The following ZNF215 variants were observed in gnomAD, a reference collection of about 807,000 sequenced individuals.
ZNF215 encodes BWSCR2-associated zinc finger protein 2.
ZNF215 carries 24 observed loss-of-function variants against 27.2 expected under a neutral mutation model. The ratio of observed to expected loss-of-function variants is 0.88; its 90% CI spans 0.64 to 1.24. The LOEUF is 1.24. Ranked by LOEUF, ZNF215 falls within the 50% of genes most tolerant of loss-of-function variation. The pLI, the probability that ZNF215 is intolerant of heterozygous loss-of-function variation, is 0.00. For missense variants in ZNF215, 675 were observed against 605.7 expected, an observed-to-expected ratio of 1.11 and a Z score of -1.20; for synonymous variants, 210 against 204.0, an observed-to-expected ratio of 1.03 and a Z score of -0.25.
downstream of ZNF215, among the ~76,000 whole-genome samples, chr11:6,959,129 C>T (rs1367389522): frequency 1.3e-5 from 2 of 152,058 alleles, no homozygotes; most frequent in African/African-American, 4.8e-5. Flanking sequence ...CATCAAAGGT[C>T]GATATCTAAG....
At chr11:6,958,332 A>AT (rs1850444949), downstream of ZNF215, among the ~76,000 whole-genome samples, 1 of 152,168 alleles carries the variant, frequency 6.6e-6, no homozygotes. Flanking sequence ...TAGAAGTACT[A>AT]TTTTCACTCT....
intron 6 of ZNF215, among the ~76,000 whole-genome samples, chr11:6,951,324 G>T (rs1850049606): frequency 6.6e-6 from 1 of 151,922 alleles, no homozygotes; most frequent in South Asian, 2.1e-4. Context: ...GTTCCTCCTT[G>T]TACCTCTGGT....
intron 6 of ZNF215, among the ~76,000 whole-genome samples, chr11:6,993,969 G>GTGC (rs1355296771): frequency 6.6e-6 from 1 of 152,060 alleles, no homozygotes; most frequent in South Asian, 2.1e-4. Flanking sequence ...AATATATTTA[G>GTGC]TGCTGTTTTA....
intron 6 of ZNF215, among the ~76,000 whole-genome samples, chr11:6,949,627 T>TG (rs1354208988): frequency 1.3e-5 from 2 of 152,196 alleles, no homozygotes; most frequent in African/African-American, 4.8e-5. Context: ...AGATTCTGGA[T>TG]ATTAGCCCTT....
At chr11:6,962,560 T>C (rs1340729200), downstream of ZNF215, among the ~76,000 whole-genome samples, 1 of 152,160 alleles carries the variant, frequency 6.6e-6, no homozygotes, top group Non-Finnish European at 1.5e-5. Context: ...TATTATGTTA[T>C]CTACAGCAAG....
intron 5 of ZNF215, among the ~76,000 whole-genome samples, chr11:6,982,576 T>G (rs1351909923): frequency 1.3e-5 from 2 of 151,952 alleles, no homozygotes; most frequent in African/African-American, 4.8e-5. Context: ...CACAATGCAA[T>G]CAAACTAGAA....
chr11:6,944,691 A>G (rs1311478685), intron 6 of ZNF215, among the ~76,000 whole-genome samples: 1 of 152,332 alleles, frequency 6.6e-6, no homozygotes, highest in Admixed American at 6.5e-5. Context: ...AGAGCTATGT[A>G]GTATTAACAT....
intron 6 of ZNF215, among the ~76,000 whole-genome samples, chr11:6,951,713 T>C (rs1850077809): frequency 1.3e-5 from 2 of 152,082 alleles, no homozygotes; most frequent in African/African-American, 4.8e-5. Context: ...TTTTGAAGGG[T>C]TTTTTGTGTC....
intron 6 of ZNF215, among the ~76,000 whole-genome samples, chr11:6,951,805 A>G (rs1850082150): frequency 6.6e-6 from 1 of 151,926 alleles, no homozygotes; most frequent in Non-Finnish European, 1.5e-5. Context: ...TTGCTTTTCT[A>G]GTTCTTTTAA....
At chr11:6,944,029 A>G (rs1849729095) in intron 6 of ZNF215, among the ~76,000 whole-genome samples, 1 of 152,288 alleles carries the variant, frequency 6.6e-6, no homozygotes, top group Middle Eastern at 3.4e-3. Flanking sequence ...TAATCCCAGC[A>G]CTTTGGAAGG....
chr11:6,990,127 C>G (rs990634842), downstream of ZNF215, among the ~76,000 whole-genome samples: 1 of 152,164 alleles, frequency 6.6e-6, no homozygotes, highest in African/African-American at 2.4e-5. Flanking sequence ...TTCCTCCTGT[C>G]TCCTTGCAAG....
Position 6,955,752 on chromosome 11 carries a change from A to G in ZNF215, c.775A>G (p.Ser259Gly). 1 of 1,606,696 alleles carries G rather than the reference A, an allele frequency of 6.2e-7. No individual in the cohort carries two copies. Among genetic ancestry groups the G allele is most frequent in the Non-Finnish European group, 8.5e-7 (1 of 1,177,980 alleles). ...AGTGATTATGACAAGGCTTACCGAA[A>G]GTGGACACCCTTCTTCAGATGCCTG... ...HGVIMTRLTE[S>G]GHPSSDAWKG... is the part of the protein sequence containing the mutation. Residue 259 changes from serine (S) to glycine (G), a missense_variant, in exon 7 of 7, where the codon AGT becomes GGT. By Grantham distance (56) the Ser-to-Gly change is moderately conservative (BLOSUM62 0). Transcript: ENST00000278319.
chr11:6,984,991 A>G (rs773722428), downstream of ZNF215, among the ~76,000 whole-genome samples: 1 of 152,192 alleles, frequency 6.6e-6, no homozygotes, highest in Non-Finnish European at 1.5e-5. Context: ...CATAGTATCA[A>G]TCCTACTGAA....
chr11:6,937,138 A>G (rs946233101), intron 3 of ZNF215, among the ~76,000 whole-genome samples: 1 of 151,980 alleles, frequency 6.6e-6, no homozygotes, highest in East Asian at 1.9e-4. Flanking sequence ...AAGTAAAACT[A>G]TCTCTACTGG....
chr11:6,971,366 T>A (rs1850715079), intron 5 of ZNF215, among the ~76,000 whole-genome samples: 1 of 152,180 alleles, frequency 6.6e-6, no homozygotes, highest in South Asian at 2.1e-4. Flanking sequence ...TGTTGCTCCT[T>A]TGCATTTACA....
intron 5 of ZNF215, among the ~76,000 whole-genome samples, chr11:6,972,250 G>T (rs541385002): frequency 6.6e-6 from 1 of 152,030 alleles, no homozygotes; most frequent in South Asian, 2.1e-4. Flanking sequence ...GTCACTCTTT[G>T]TCAAAACTAC....
chr11:6,933,311 G>A (rs1380178311), intron 3 of ZNF215, among the ~76,000 whole-genome samples: 1 of 152,196 alleles, frequency 6.6e-6, no homozygotes, highest in East Asian at 1.9e-4. Context: ...TGGGAGTGGG[G>A]GAGAAGGTGT....
chr11:6,930,700 G>A (rs1051245127), intron 2 of ZNF215, among the ~76,000 whole-genome samples: 1 of 152,212 alleles, frequency 6.6e-6, no homozygotes, highest in Non-Finnish European at 1.5e-5. Flanking sequence ...GATCTACTGA[G>A]AGCTTACTGT....
At chr11:6,980,086 T>G (rs1036971912) in intron 5 of ZNF215, among the ~76,000 whole-genome samples, 7 of 152,104 alleles carry the variant, frequency 4.6e-5, no homozygotes, top group Non-Finnish European at 7.4e-5. Context: ...AGGATCATAT[T>G]ATTTTGGAAG....
Sources: allele counts gnomAD v4.1 joint callset (sites outside exome capture counted in the v4.1 genomes callset), GRCh38; gene constraint gnomAD v4.1.1; transcripts MANE v1.5; gene names NCBI Gene and HGNC (gene_info 2026-07-23, HGNC 2026-07-21).